Variants in SEMA5A observed in about 807,000 individuals in gnomAD.
SEMA5A encodes the protein semaphorin 5A, also known as semaphorin-5A.
In SEMA5A, 55 loss-of-function variants were observed where a neutral mutation model predicts 135.5. The observed-to-expected ratio is 0.41, with a 90% CI of 0.33 to 0.51. The LOEUF is 0.51. SEMA5A is among the 20% of genes least tolerant of loss of function. The pLI is 0.37. For missense variants in SEMA5A, 1,290 were observed against 1,419.9 expected (o/e 0.91, Z 1.47); for synonymous variants, 580 against 546.5 (o/e 1.06, Z -0.85).
At chr5:9,224,653 A>G in intron 8 of SEMA5A, 21 bp downstream of exon 8, 3 of 1,609,228 alleles carry the variant, frequency 1.9e-6, no homozygotes. Context: ...GGTGAGAAAG[A>G]GGGAGTGACG....
intron 8 of SEMA5A, among the ~76,000 whole-genome samples, chr5:9,214,070 C>G (rs909555928): frequency 1.6e-4 from 24 of 152,096 alleles, no homozygotes; most frequent in African/African-American, 5.6e-4. Context: ...TAACTAGGAG[C>G]CAGAATTAGC....
intron 2 of SEMA5A, among the ~76,000 whole-genome samples, chr5:9,424,206 A>G (rs146483978): frequency 1.3e-5 from 2 of 152,328 alleles, no homozygotes; most frequent in Admixed American, 6.5e-5. Flanking sequence ...GCTGAAAGGA[A>G]CTCACATCAA....
At position 9,204,175 on chromosome 5, in the gene SEMA5A, T is replaced by C. The variant is rs925997987; in HGVS notation, c.647-1935A>G. Among the ~76,000 whole-genome samples the C allele has an allele frequency of 2.0e-5, 3 of 152,130 alleles. No individual in the cohort carries two copies. The highest frequency in any genetic ancestry group is 2.0e-4 in the Admixed American group (3 of 15,266). ...ACCCTGGCTAAACAAAACTAGAGTT[T>C]GGGAATTGTACTAAAAACAAACAAC... On this transcript the variant is annotated intron_variant, in intron 8 of 22. Coordinates refer to ENST00000382496, the MANE Select transcript of SEMA5A (RefSeq NM_003966.3). The surrounding 1 kb of genome is among the most constrained non-coding windows in gnomAD (Gnocchi z 6.4).
chr5:9,354,263 C>A (rs543836523), intron 3 of SEMA5A, among the ~76,000 whole-genome samples: 1 of 152,208 alleles, frequency 6.6e-6, no homozygotes, highest in East Asian at 1.9e-4. Flanking sequence ...ACTCTTGTTT[C>A]CCAGCGTGGG....
At chr5:9,496,766 G>C (rs979915060) in intron 1 of SEMA5A, among the ~76,000 whole-genome samples, 3 of 152,162 alleles carry the variant, frequency 2.0e-5, no homozygotes, top group Non-Finnish European at 4.4e-5. Context: ...GAGGAAGGCT[G>C]GGTCTCCAAA....
At chr5:9,202,702 A>C (rs1436847101) in intron 8 of SEMA5A, among the ~76,000 whole-genome samples, 1 of 152,214 alleles carries the variant, frequency 6.6e-6, no homozygotes, top group Non-Finnish European at 1.5e-5. Context: ...ACTTATATAC[A>C]TTCCTGTGAC....
At chr5:9,271,639 GA>G (rs887962107) in intron 5 of SEMA5A, among the ~76,000 whole-genome samples, 1 of 152,168 alleles carries the variant, frequency 6.6e-6, no homozygotes, top group Non-Finnish European at 1.5e-5. Flanking sequence ...GATCAATGCA[GA>G]AGGTGGGTGA....
intron 1 of SEMA5A, among the ~76,000 whole-genome samples, chr5:9,453,389 C>T (rs898337374): frequency 6.6e-5 from 10 of 152,250 alleles, no homozygotes; most frequent in South Asian, 4.1e-4. Context: ...TCCTCTATTT[C>T]GTGCCACATT....
At chr5:9,330,657 G>A (rs763107704) in intron 4 of SEMA5A, among the ~76,000 whole-genome samples, 13 of 152,096 alleles carry the variant, frequency 8.5e-5, no homozygotes, top group Non-Finnish European at 1.2e-4. Context: ...AACAAAGCCA[G>A]CAGACAACAA....
At chr5:9,497,269 T>C (rs1315806828) in intron 1 of SEMA5A, among the ~76,000 whole-genome samples, 1 of 152,204 alleles carries the variant, frequency 6.6e-6, no homozygotes, top group Non-Finnish European at 1.5e-5. Context: ...AGGAAAAGCA[T>C]CACCATTGTT....
chr5:9,375,643 A>C (rs960382987), intron 3 of SEMA5A, among the ~76,000 whole-genome samples: 17 of 149,676 alleles, frequency 1.1e-4, no homozygotes, highest in African/African-American at 4.2e-4. Flanking sequence ...TAAGCAGCTA[A>C]TACAGTACTG....
chr5:9,545,295 C>A lies in SEMA5A; in HGVS notation c.-175+289G>T, dbSNP rs1411815304. ...TGGGCAGGGGTCCCGTCTCGCCCAC[C>A]GCGACACTCCGGCTCCTTACCTCTC... On this transcript the variant is annotated intron_variant, in intron 1 of 22. Coordinates refer to ENST00000382496, the MANE Select transcript of SEMA5A (RefSeq NM_003966.3). The surrounding 1 kb of genome is among the most constrained non-coding windows in gnomAD (Gnocchi z 4.5). Among the ~76,000 whole-genome samples the A allele has an allele frequency of 6.6e-6, 1 of 152,158 alleles. No individual in the cohort carries two copies.
rs546222543 is a variant in SEMA5A at position 9,462,213 on chromosome 5, A to G, written c.-174-24361T>C. Among the ~76,000 whole-genome samples the G allele has an allele frequency of 2.0e-5, 3 of 152,354 alleles. No homozygotes were observed. In the East Asian group the frequency reaches 5.8e-4, roughly 29 times the overall value. ...GAAGACATACACGCAGCCAAAAAGC[A>G]CATGAGAAAGATCTCAACATCACTG... On this transcript the variant is annotated intron_variant, in intron 1 of 22. Transcript: ENST00000382496.
intron 11 of SEMA5A, among the ~76,000 whole-genome samples, chr5:9,155,003 T>C (rs1742874758): frequency 6.6e-6 from 1 of 152,162 alleles, no homozygotes; most frequent in Non-Finnish European, 1.5e-5. Flanking sequence ...TAGCAAGCTT[T>C]GTGCCATCCC....
Position 9,036,597 on chromosome 5 carries a change from A to G in SEMA5A, c.*6300T>C, listed in dbSNP as rs1239087017. On this transcript the variant is annotated 3_prime_UTR_variant, in exon 23 of 23. Transcript: ENST00000382496. ...AATTAAAGTGATGTTAGTTTCTAGA[A>G]GGCTAATACTGAAGTCACCTCTCTT... The G allele has an allele frequency of 6.6e-6, 1 of 152,390 alleles. No homozygotes were observed. The highest frequency in any genetic ancestry group is 1.5e-5 in the Non-Finnish European group (1 of 68,036). The allele number at this position is 152,390 out of a possible 1,614,324, so 9.4% of individuals were successfully genotyped here. A position where few individuals can be genotyped will look rare whatever the true frequency, so the allele number is the denominator to read the frequency against.
At position 9,037,002 on chromosome 5, in the gene SEMA5A, T is replaced by TAACA. The variant is rs946973549; in HGVS notation, c.*5891_*5894dup. 1 of 152,238 alleles carries TAACA rather than the reference T, an allele frequency of 6.6e-6. No individual in the cohort carries two copies. Among genetic ancestry groups the TAACA allele is most frequent in the African/African-American group, 2.4e-5 (1 of 41,452 alleles). 9.4% of individuals were successfully genotyped at this position (152,238 alleles called of 1,614,324 possible). ...AATCATTTTATTACTGCCATTCATC[T>TAACA]AACATTTGGAATATTTGGCATTAAA... On this transcript the variant is annotated 3_prime_UTR_variant, in exon 23 of 23. Transcript: ENST00000382496.
intron 1 of SEMA5A, among the ~76,000 whole-genome samples, chr5:9,452,236 C>G (rs1239038498): frequency 3.3e-5 from 5 of 152,196 alleles, no homozygotes; most frequent in Non-Finnish European, 7.3e-5. Context: ...TGTCACTGCT[C>G]AAAAGACATC....
At chr5:9,360,260 T>C (rs895688483) in intron 3 of SEMA5A, among the ~76,000 whole-genome samples, 2 of 152,178 alleles carry the variant, frequency 1.3e-5, no homozygotes, top group Non-Finnish European at 2.9e-5. Flanking sequence ...TCCAGAGGGA[T>C]GGGATTTGAT....
chr5:9,390,600 T>C (rs1756117233), intron 2 of SEMA5A, among the ~76,000 whole-genome samples: 1 of 152,202 alleles, frequency 6.6e-6, no homozygotes, highest in African/African-American at 2.4e-5. Context: ...GTATATCTGA[T>C]GAAACCTTTT....
Sources: gnomAD v4.1 joint callset for allele counts (sites outside exome capture counted in the v4.1 genomes callset) on GRCh38, gnomAD v4.1.1 for gene constraint, Gnocchi (gnomAD v3.1) non-coding constraint, MANE v1.5 for transcripts, NCBI Gene and HGNC (gene_info 2026-07-23, HGNC 2026-07-21) for gene names.